Variants in TECPR2 observed in about 807,000 individuals in gnomAD.
TECPR2 encodes the protein tectonin beta-propeller repeat containing 2.
Under a neutral mutation model 138.1 loss-of-function variants are expected in TECPR2, and 65 were observed. That is an observed-to-expected ratio of 0.47 (90% CI 0.39 to 0.58). The LOEUF (loss-of-function observed/expected upper bound fraction) is 0.58. Ranked by LOEUF, TECPR2 falls within the 20% of genes least tolerant of loss-of-function variation. The pLI, the probability that TECPR2 is intolerant of heterozygous loss-of-function variation, is 0.00. For synonymous variants in TECPR2, 746 were observed against 749.8 expected (o/e 0.99, Z 0.08); for missense variants, 1,553 against 1,824.5 (o/e 0.85, Z 2.71).
intron 2 of TECPR2, among the ~76,000 whole-genome samples, chr14:102,401,365 G>T (rs1888471646): frequency 6.6e-6 from 1 of 150,926 alleles, no homozygotes; most frequent in Admixed American, 6.6e-5. Context: ...CTTGAACCTG[G>T]GTGACAGAGG....
Position 102,431,822 on chromosome 14 carries a change from T to A in TECPR2, c.1111T>A (p.Cys371Ser). 3 of 1,581,676 alleles carry A rather than the reference T, an allele frequency of 1.9e-6. No individual in the cohort carries two copies. The highest frequency in any genetic ancestry group is 3.5e-5 in the Admixed American group (2 of 56,626). ...GAGAGATGGTCTGGAGATGTCTGGA[T>A]GCTCAGAGCGTGTCCACGTGCAGCA... is the stretch of plus-strand genomic sequence containing the variant. The part of the protein sequence containing the change: ...TVRDGLEMSG[C>S]SERVHVQQAE... Residue 371 changes from cysteine (C) to serine (S), a missense_variant, in exon 8 of 20, where the codon TGC (cysteine) becomes AGC (serine). Cys to Ser is a moderately radical substitution (Grantham distance 112). Coordinates refer to ENST00000359520, the MANE Select transcript of TECPR2 (RefSeq NM_014844.5).
At chr14:102,399,479 T>C (rs1888412337) in intron 2 of TECPR2, among the ~76,000 whole-genome samples, 2 of 152,112 alleles carry the variant, frequency 1.3e-5, no homozygotes, top group East Asian at 3.8e-4. Context: ...AATACTCAAG[T>C]GAGTCCTGCA....
At chr14:102,468,013 T>A (rs1308641727) in intron 17 of TECPR2, among the ~76,000 whole-genome samples, 1 of 151,462 alleles carries the variant, frequency 6.6e-6, no homozygotes, top group African/African-American at 2.4e-5. Flanking sequence ...TTTTTTTTTT[T>A]CCATATTTTT....
chr14:102,461,801 G>A (rs117767512), intron 16 of TECPR2, among the ~76,000 whole-genome samples: 44 of 152,254 alleles, frequency 2.9e-4, no homozygotes, highest in African/African-American at 9.9e-4. Context: ...CGTGGGTCCT[G>A]CCTAACTCTA....
At position 102,432,005 on chromosome 14, in the gene TECPR2, G is replaced by C. The variant is rs1280435260; in HGVS notation, c.1294G>C (p.Glu432Gln). 1 of 1,612,866 alleles carries C rather than the reference G, an allele frequency of 6.2e-7. No homozygotes were observed. The highest frequency in any genetic ancestry group is 2.2e-5 in the East Asian group (1 of 44,880). ...LLPPGLQATP[E>Q]LGKGSQPLSQ... ...GCCCCCTGGGCTCCAGGCCACCCCT[G>C]AGCTGGGCAAGGGCAGCCAGCCCCT... The change falls in exon 8 of 20, where the codon GAG becomes CAG. Residue 432 changes from glutamate to glutamine, a missense_variant. Transcript: ENST00000359520.
chr14:102,488,249 GC>G (rs368244683), intron 17 of TECPR2, among the ~76,000 whole-genome samples: 2 of 151,148 alleles, frequency 1.3e-5, no homozygotes, highest in Non-Finnish European at 2.9e-5. Flanking sequence ...GAGCTACTGG[GC>G]TCAGGCAATT....
At chr14:102,496,287 C>T (rs1891277484) in intron 17 of TECPR2, among the ~76,000 whole-genome samples, 1 of 152,182 alleles carries the variant, frequency 6.6e-6, no homozygotes, top group Admixed American at 6.5e-5. Flanking sequence ...ATCCTCCAGA[C>T]AGTGCTGTGC....
intron 7 of TECPR2, 133 bp from the exon 8 acceptor site, chr14:102,431,663 A>G: frequency 1.0e-6 from 1 of 969,252 alleles, no homozygotes; most frequent in Non-Finnish European, 1.5e-6. Flanking sequence ...GTTTCTATGA[A>G]TTTAGAATCA....
chr14:102,477,213 T>C (rs1595144498), intron 17 of TECPR2, among the ~76,000 whole-genome samples: 1 of 152,100 alleles, frequency 6.6e-6, no homozygotes, highest in South Asian at 2.1e-4. Flanking sequence ...CTATTAAAAC[T>C]ACAAAAGTCA....
At chr14:102,456,219 G>C (rs1220763904) in intron 16 of TECPR2, among the ~76,000 whole-genome samples, 1 of 152,182 alleles carries the variant, frequency 6.6e-6, no homozygotes, top group Non-Finnish European at 1.5e-5. Context: ...TTAGCTGCTG[G>C]TGGTGGGGCT....
chr14:102,378,867 C>A (rs1567315364), intron 2 of TECPR2, among the ~76,000 whole-genome samples: 1 of 152,050 alleles, frequency 6.6e-6, no homozygotes, highest in African/African-American at 2.4e-5. Flanking sequence ...TCAGGTGATC[C>A]ATCTGCCTCA....
intron 17 of TECPR2, among the ~76,000 whole-genome samples, chr14:102,470,776 G>C (rs1487624498): frequency 6.7e-6 from 1 of 149,876 alleles, no homozygotes; most frequent in African/African-American, 2.5e-5. Context: ...AGTAACTGGG[G>C]TTACAGGCGT....
At position 102,449,687 on chromosome 14, in the gene TECPR2, A is replaced by C; in HGVS notation, c.3134A>C (p.His1045Pro). ...DQCSLFQTIIHATHSVATAAQ... is the reference protein window; with the variant it reads ...DQCSLFQTIIPATHSVATAAQ... ...TGCAGCTTATTTCAGACGATAATCCATGCCACTCACTCGGTGGCCACAGCA... is the reference window on the plus strand; with the variant it reads ...TGCAGCTTATTTCAGACGATAATCCCTGCCACTCACTCGGTGGCCACAGCA... Residue 1045 changes from histidine to proline, a missense_variant, in exon 14 of 20, where the codon CAT (histidine) becomes CCT (proline). His to Pro is a moderately conservative substitution (Grantham distance 77, BLOSUM62 -2). Transcript: ENST00000359520. 1 of 1,614,130 alleles carries C rather than the reference A, an allele frequency of 6.2e-7. No individual in the cohort carries two copies. Among genetic ancestry groups the C allele is most frequent in the Non-Finnish European group, 8.5e-7 (1 of 1,180,034 alleles).
chr14:102,382,785 T>A (rs1265773237), intron 2 of TECPR2, among the ~76,000 whole-genome samples: 1 of 151,792 alleles, frequency 6.6e-6, no homozygotes, highest in Non-Finnish European at 1.5e-5. Flanking sequence ...CGAGACGGAG[T>A]TTTGCTCTTG....
At chr14:102,484,675 T>G (rs113479925) in intron 17 of TECPR2, among the ~76,000 whole-genome samples, 1,551 of 152,258 alleles carry the variant, frequency 0.01, 48 homozygotes, top group African/African-American at 0.036. Flanking sequence ...CCTTTTTTCT[T>G]TGAGATGGAG....
intron 19 of TECPR2, 81 bp from the exon 20 acceptor site, chr14:102,498,022 C>CGCCCAGGCTCCCAGCTCCATCTGT: frequency 6.6e-7 from 1 of 1,510,188 alleles, no homozygotes; most frequent in Admixed American, 1.9e-5. Context: ...CCCAGACCTG[C>CGCCCAGGCTCCCAGCTCCATCTGT]GCCCAAGCTC....
At chr14:102,364,334 G>A (rs571859272) in intron 1 of TECPR2, among the ~76,000 whole-genome samples, 4 of 152,284 alleles carry the variant, frequency 2.6e-5, no homozygotes, top group African/African-American at 9.6e-5. Flanking sequence ...TATTTTTGTT[G>A]TTGTTGTTGT....
chr14:102,486,990 C>T (rs1891041702), intron 17 of TECPR2, among the ~76,000 whole-genome samples: 1 of 152,186 alleles, frequency 6.6e-6, no homozygotes, highest in South Asian at 2.1e-4. Flanking sequence ...GCCCAACCAA[C>T]CCACACGCCT....
rs773608997 is a variant in TECPR2, at chr14:102,440,510, C to T, written c.2653C>T (p.Arg885Trp). 1.1e-5 allele frequency: 17 copies of T among 1,614,056 alleles called. No homozygotes were observed. The highest frequency in any genetic ancestry group is 6.7e-5 in the African/African-American group (5 of 74,928). The change falls in exon 11 of 20, where the codon CGG becomes TGG. Residue 885 changes from arginine (R) to tryptophan (W), a missense_variant. Coordinates refer to ENST00000359520, the MANE Select transcript of TECPR2 (RefSeq NM_014844.5). ...TGGGAAAGTCACCATCAAGGGGAAG[C>T]GGCACTGGTACGAAGCCCTGCCCCA... ...ACGKVTIKGK[R>W]HWYEALPQAV...
Sources: gnomAD v4.1 joint callset for allele counts (sites outside exome capture counted in the v4.1 genomes callset) on GRCh38, gnomAD v4.1.1 for gene constraint, MANE v1.5 for transcripts, NCBI Gene and HGNC (gene_info 2026-07-23, HGNC 2026-07-21) for gene names.